Variants in APC observed in about 807,000 individuals in gnomAD.
APC encodes adenomatous polyposis coli protein.
APC carries 72 observed loss-of-function variants against 247.0 expected under a neutral mutation model. The observed-to-expected ratio is 0.29, with a 90% CI of 0.24 to 0.35. The LOEUF (loss-of-function observed/expected upper bound fraction) is 0.35, where lower values mean the gene tolerates loss of function less well. Ranked by LOEUF, APC falls within the 10% of genes least tolerant of loss-of-function variation. APC has a pLI of 1.00. For missense variants in APC, 3,400 were observed against 3,360.7 expected (o/e 1.01, Z -0.29); for synonymous variants, 1,254 against 1,162.5 (o/e 1.08, Z -1.60).
Position 112,810,879 on chromosome 5 carries a change from G to A in APC, c.835-4616G>A, listed in dbSNP as rs184102346. On this transcript the variant is annotated intron_variant, in intron 8 of 15. Transcript: ENST00000257430. ...GTCTCTACTAAAAATACAAAACTTA[G>A]CCAGGAGTGGTGGCACATGCCTGTA... is the stretch of plus-strand genomic sequence containing the variant. Among the ~76,000 whole-genome samples the A allele has an allele frequency of 9.1e-3, 1,390 of 152,220 alleles. 22 individuals are homozygous for A. Among genetic ancestry groups the A allele is most frequent in the African/African-American group, 0.032 (1,338 of 41,512 alleles).
chr5:112,732,767 G>A (rs1159246787), intron 1 of APC, among the ~76,000 whole-genome samples: 1 of 152,100 alleles, frequency 6.6e-6, no homozygotes, highest in East Asian at 1.9e-4. Context: ...AAAAGATGTA[G>A]GAACAATGAA....
At chr5:112,835,549 A>G (rs1764796317) in intron 15 of APC, among the ~76,000 whole-genome samples, 1 of 150,684 alleles carries the variant, frequency 6.6e-6, no homozygotes, top group Non-Finnish European at 1.5e-5. Context: ...TTTTCTAATG[A>G]TGTCTTAGTA....
intron 6 of APC, among the ~76,000 whole-genome samples, chr5:112,790,913 C>A (rs1023228008): frequency 1.3e-5 from 2 of 152,102 alleles, no homozygotes; most frequent in African/African-American, 4.8e-5. Flanking sequence ...CACACACACA[C>A]CCCTTATTGA....
At position 112,841,000 on chromosome 5, in the gene APC, G is replaced by C. The variant is rs1060503349; in HGVS notation, c.5406G>C (p.Glu1802Asp). Residue 1802 changes from glutamate to aspartate, a missense_variant, in exon 16 of 16, where the codon GAG becomes GAC. Physicochemically the swap from Glu to Asp is conservative, Grantham distance 45 (BLOSUM62 2). Coordinates refer to ENST00000257430, the MANE Select transcript of APC (RefSeq NM_000038.6). This position sits in a 1 kb window ranked among gnomAD's most constrained non-coding sequence, Gnocchi z 4.1. The stretch of plus-strand genomic sequence containing the variant: ...ACTCAAAAAATAATTTAAATGCTGA[G>C]AGAGTTTTCTCAGACAACAAAGATT... ...NADSKNNLNA[E>D]RVFSDNKDSK... 2.5e-6 allele frequency: 4 copies of C among 1,612,066 alleles called. No homozygotes were observed. Among genetic ancestry groups the C allele is most frequent in the Non-Finnish European group, 3.4e-6 (4 of 1,178,338 alleles).
At chr5:112,750,931 T>G (rs1754290869) in intron 1 of APC, among the ~76,000 whole-genome samples, 1 of 152,184 alleles carries the variant, frequency 6.6e-6, no homozygotes, top group East Asian at 1.9e-4. Context: ...TTTTTCCTCA[T>G]GGCTGTCCTA....
At position 112,835,027 on chromosome 5, in the gene APC, G is replaced by C. The variant is rs1554083153; in HGVS notation, c.1820G>C (p.Cys607Ser). 1.2e-6 allele frequency: 2 copies of C among 1,614,134 alleles called. No homozygotes were observed. Among genetic ancestry groups the C allele is most frequent in the South Asian group, 2.2e-5 (2 of 91,076 alleles). The change falls in exon 15 of 16, where the codon TGT (cysteine) becomes TCT (serine). Residue 607 changes from cysteine to serine, a missense_variant. By Grantham distance (112) the Cys-to-Ser change is moderately radical (BLOSUM62 -1). Coordinates refer to ENST00000257430, the MANE Select transcript of APC (RefSeq NM_000038.6). ...AHCTENKADICAVDGALAFLV... is the reference protein window; with the variant it reads ...AHCTENKADISAVDGALAFLV... ...TGCACTGAGAATAAAGCTGATATAT[G>C]TGCTGTAGATGGTGCACTTGCATTT... is the stretch of plus-strand genomic sequence containing the variant.
intron 8 of APC, among the ~76,000 whole-genome samples, chr5:112,802,873 C>G (rs890632764): frequency 6.6e-6 from 1 of 151,930 alleles, no homozygotes; most frequent in African/African-American, 2.4e-5. Context: ...ATGCAAAAAA[C>G]AGTATTTATA....
At chr5:112,767,733 C>T (rs1315567284) in intron 4 of APC, among the ~76,000 whole-genome samples, 2 of 151,860 alleles carry the variant, frequency 1.3e-5, no homozygotes, top group Admixed American at 6.6e-5. Flanking sequence ...TGGGTTCAAG[C>T]GGTTCTTGTG....
chr5:112,827,917 T>A lies in APC; in HGVS notation c.1549-12T>A. Reference sequence around the variant, plus strand: ...CTTTTTAATGATCCTCTATTCTGTATTTAATTTACAGGCTACGCTATGCTC... The same window carrying A: ...CTTTTTAATGATCCTCTATTCTGTAATTAATTTACAGGCTACGCTATGCTC... On this transcript the variant is annotated splice_polypyrimidine_tract_variant and intron_variant, in intron 12 of 15. Coordinates refer to ENST00000257430, the MANE Select transcript of APC (RefSeq NM_000038.6). The A allele has an allele frequency of 6.2e-7, 1 of 1,610,882 alleles. No homozygotes were observed. The highest frequency in any genetic ancestry group is 1.1e-5 in the South Asian group (1 of 90,980).
chr5:112,736,861 C>T (rs1403510672), upstream of APC, among the ~76,000 whole-genome samples: 6 of 152,086 alleles, frequency 3.9e-5, no homozygotes, highest in African/African-American at 1.2e-4. Flanking sequence ...TTGCAGTGAG[C>T]GGAGATTGCA....
intron 1 of APC, among the ~76,000 whole-genome samples, chr5:112,741,501 C>T (rs755837717): frequency 2.0e-5 from 3 of 152,194 alleles, no homozygotes; most frequent in Non-Finnish European, 2.9e-5. Context: ...CCTTTATTCT[C>T]ACACCCTGCA....
At chr5:112,811,262 G>T (rs143635962) in intron 8 of APC, among the ~76,000 whole-genome samples, 5 of 152,338 alleles carry the variant, frequency 3.3e-5, no homozygotes, top group African/African-American at 1.2e-4. Flanking sequence ...GAGCAAAGCT[G>T]ATTCAAGGGA....
intron 1 of APC, among the ~76,000 whole-genome samples, chr5:112,751,364 A>C (rs527881103): frequency 2.2e-4 from 33 of 152,198 alleles, no homozygotes; most frequent in African/African-American, 6.7e-4. Context: ...GTCTAGCTGC[A>C]GAAAATAAAC....
chr5:112,824,152 A>G (rs1276866429), intron 11 of APC, among the ~76,000 whole-genome samples: 2 of 152,208 alleles, frequency 1.3e-5, no homozygotes, highest in East Asian at 1.9e-4. Context: ...TACTATCGGT[A>G]GTTTTACCCT....
chr5:112,772,483 G>C (rs1032637901), intron 4 of APC, among the ~76,000 whole-genome samples: 4 of 150,978 alleles, frequency 2.6e-5, no homozygotes, highest in African/African-American at 7.3e-5. Context: ...ACTGACATTG[G>C]CCTGTCAATT....
intron 8 of APC, among the ~76,000 whole-genome samples, chr5:112,811,315 A>G (rs1263282731): frequency 6.6e-6 from 1 of 152,196 alleles, no homozygotes; most frequent in Non-Finnish European, 1.5e-5. Context: ...GGTTGTGAGA[A>G]AGTTCATCAC....
rs1561553769 is a variant in APC at position 112,827,152 on chromosome 5, A to G, written c.1453A>G (p.Met485Val). 6.2e-7 allele frequency: 1 copy of G among 1,613,768 alleles called. No individual in the cohort carries two copies. The highest frequency in any genetic ancestry group is 2.2e-5 in the East Asian group (1 of 44,824). The part of the protein sequence containing the change: ...IAELLQVDCE[M>V]YGLTNDHYSI... ...AGAATTATTGCAAGTGGACTGTGAAATGTATGGGCTTACTAATGACCACTA... is the reference window on the plus strand; with the variant it reads ...AGAATTATTGCAAGTGGACTGTGAAGTGTATGGGCTTACTAATGACCACTA... The change falls in exon 12 of 16, where the codon ATG becomes GTG. Residue 485 changes from methionine (M) to valine (V), a missense_variant. Transcript: ENST00000257430.
In APC at chr5:112,775,647, T is replaced by G; in HGVS notation, c.441T>G (p.Asp147Glu). Reference sequence around the variant, plus strand: ...AAAATAGGTCATTGCTTCTTGCTGATCTTGACAAAGAAGAAAAGGAAAAAG... The same window carrying G: ...AAAATAGGTCATTGCTTCTTGCTGAGCTTGACAAAGAAGAAAAGGAAAAAG... Reference protein sequence around the residue: ...LEKERSLLLADLDKEEKEKDW... With the variant: ...LEKERSLLLAELDKEEKEKDW... The change falls in exon 5 of 16, where the codon GAT (aspartate) becomes GAG (glutamate). Residue 147 changes from aspartate to glutamate, a missense_variant. Transcript: ENST00000257430. 6.2e-7 allele frequency: 1 copy of G among 1,604,896 alleles called. No individual in the cohort carries two copies. Among genetic ancestry groups the G allele is most frequent in the Non-Finnish European group, 8.5e-7 (1 of 1,175,020 alleles).
chr5:112,742,909 G>C (rs1341707385), intron 1 of APC, among the ~76,000 whole-genome samples: 1 of 152,114 alleles, frequency 6.6e-6, no homozygotes, highest in Non-Finnish European at 1.5e-5. Context: ...AGGGATCACT[G>C]GATAATAAGG....
Sources: gnomAD v4.1 joint callset for allele counts (sites outside exome capture counted in the v4.1 genomes callset) on GRCh38, gnomAD v4.1.1 for gene constraint, Gnocchi (gnomAD v3.1) non-coding constraint, MANE v1.5 for transcripts, NCBI Gene and HGNC (gene_info 2026-07-23, HGNC 2026-07-21) for gene names.